The following STAB1 variants were observed in gnomAD, a reference collection of about 807,000 sequenced individuals.
STAB1 encodes the protein stabilin 1.
In STAB1, 250 loss-of-function variants were observed where a neutral mutation model predicts 332.4. The observed-to-expected ratio is 0.75, with a 90% CI of 0.68 to 0.84. The LOEUF (loss-of-function observed/expected upper bound fraction) is 0.84. Among genes scored for constraint, STAB1 ranks in the 40% least tolerant of loss-of-function variants. The pLI is 0.00. For synonymous variants in STAB1, 1,475 were observed against 1,390.4 expected, an observed-to-expected ratio of 1.06 and a Z score of -1.35; for missense variants, 3,249 against 3,489.7, an observed-to-expected ratio of 0.93 and a Z score of 1.74.
rs760353127 is a variant in STAB1 at position 52,519,271 on chromosome 3, T to C, written c.5042T>C (p.Ile1681Thr). The C allele has an allele frequency of 6.2e-7, 1 of 1,612,616 alleles. No individual in the cohort carries two copies. The change falls in exon 49 of 69, where the codon ATA becomes ACA. Residue 1681 changes from isoleucine to threonine, a missense_variant. Ile to Thr is a moderately conservative substitution (Grantham distance 89). Coordinates refer to ENST00000321725, the MANE Select transcript of STAB1 (RefSeq NM_015136.3). ...CCCGTGCCCCGCCCCCAGGGCAGCATATACCTCAATGACTTCGCGCGCGTG... is the reference window on the plus strand; with the variant it reads ...CCCGTGCCCCGCCCCCAGGGCAGCACATACCTCAATGACTTCGCGCGCGTG... ...PLRFSEREGSIYLNDFARVVS... is the reference protein window; with the variant it reads ...PLRFSEREGSTYLNDFARVVS...
chr3:52,516,851 C>G (rs906228777), intron 41 of STAB1, 83 bp downstream of exon 41: 1 of 1,596,614 alleles, frequency 6.3e-7, no homozygotes, highest in Non-Finnish European at 8.5e-7. Flanking sequence ...TCCTCTAGGC[C>G]CAGCCCCCCT....
At chr3:52,507,737 G>C in intron 19 of STAB1, 62 bp downstream of exon 19, 1 of 1,595,812 alleles carries the variant, frequency 6.3e-7, no homozygotes, top group Non-Finnish European at 8.6e-7. Flanking sequence ...TTCTGCCCTG[G>C]GTCACAGGGG....
rs763805879 is a variant in STAB1 at position 52,523,595 on chromosome 3, C to T, written c.7290+19C>T. 3.4e-5 allele frequency: 55 copies of T among 1,612,534 alleles called. No homozygotes were observed. Among genetic ancestry groups the T allele is most frequent in the Non-Finnish European group, 4.4e-5 (52 of 1,180,016 alleles). ...CCCTGTGGTGAGTCTGGCCACTGTCCCACCCTGTTGGCCCTGGCCCTCGCT... is the reference window on the plus strand; with the variant it reads ...CCCTGTGGTGAGTCTGGCCACTGTCTCACCCTGTTGGCCCTGGCCCTCGCT... On this transcript the variant is annotated intron_variant, in intron 65 of 68. Coordinates refer to ENST00000321725, the MANE Select transcript of STAB1 (RefSeq NM_015136.3).
intron 35 of STAB1, 26 bp from the exon 36 acceptor site, chr3:52,514,963 T>C (rs1255650235): frequency 6.2e-7 from 1 of 1,613,226 alleles, no homozygotes; most frequent in Non-Finnish European, 8.5e-7. Context: ...CTGGACTGCC[T>C]GATGCCCCAC....
chr3:52,518,728 G>C lies in STAB1; in HGVS notation c.4893G>C (p.Glu1631Asp). The C allele has an allele frequency of 1.2e-6, 2 of 1,612,516 alleles. No individual in the cohort carries two copies. Among genetic ancestry groups the C allele is most frequent in the Non-Finnish European group, 1.7e-6 (2 of 1,179,758 alleles). Residue 1631 changes from glutamate to aspartate, a missense_variant, in exon 48 of 69, where the codon GAG becomes GAC. Transcript: ENST00000321725. ...ADLMSNLSQD[E>D]LARIRAHRQL... ...CCCTCGCGACTCTGCTCCAGGATGA[G>C]CTGGCCCGGATTCGTGCGCATCGCC...
rs140011089 is a variant in STAB1 at position 52,514,632 on chromosome 3, G to A, written c.3679-69G>A. The A allele has an allele frequency of 1.4e-3, 2,270 of 1,607,336 alleles. 1 individual carries two copies. The highest frequency in any genetic ancestry group is 1.9e-3 in the South Asian group (172 of 90,462). ...GGGAGCCCCCCGGCCCTGGAGTACT[G>A]CCTGACCTTACAGCCCTGCCAGGTG... is the stretch of plus-strand genomic sequence containing the variant. On this transcript the variant is annotated intron_variant, in intron 34 of 68. Transcript: ENST00000321725.
At chr3:52,503,180 C>T (rs1708579665) in intron 7 of STAB1, 71 bp downstream of exon 7, 1 of 1,512,178 alleles carries the variant, frequency 6.6e-7, no homozygotes, top group Admixed American at 2.0e-5. Flanking sequence ...TCCTTTAACC[C>T]AGCAAGTGCA....
rs572263900 is a variant in STAB1 at position 52,498,013 on chromosome 3, C to A, written c.78+2522C>A. ...AGTGGAGCCTGTGGCGGGAGAGGAG[C>A]ACGGTCCAGAACCCAGCCCTGCACC... On this transcript the variant is annotated intron_variant, in intron 1 of 68. Transcript: ENST00000321725. Among the ~76,000 whole-genome samples, 9 of 152,232 alleles carry A rather than the reference C, an allele frequency of 5.9e-5. No homozygotes were observed. The East Asian group carries it at 1.7e-3, about 29-fold the overall frequency.
chr3:52,499,898 C>CAAAAA lies in STAB1; in HGVS notation c.79-1247_79-1243dup, dbSNP rs4045133. Among the ~76,000 whole-genome samples, 12 of 37,054 alleles carry CAAAAA rather than the reference C, an allele frequency of 3.2e-4. 1 individual carries two copies. The highest frequency in any genetic ancestry group is 6.2e-4 in the African/African-American group (5 of 8,130). The allele number at this position is 37,054 out of a possible 152,430, so 24.3% of individuals were successfully genotyped here. ...TGGGCGACAGAGCGAGACTCCATCT[C>CAAAAA]AAAAAAAAAAAAAAAAAAAAAAAAA... On this transcript the variant is annotated intron_variant, in intron 1 of 68. Coordinates refer to ENST00000321725, the MANE Select transcript of STAB1 (RefSeq NM_015136.3).
Position 52,509,257 on chromosome 3 carries a change from C to CT in STAB1, c.2284dup (p.Tyr762LeufsTer78), listed in dbSNP as rs1324169517. The CT allele has an allele frequency of 6.2e-7, 1 of 1,613,564 alleles. No individual in the cohort carries two copies. The highest frequency in any genetic ancestry group is 1.3e-5 in the African/African-American group (1 of 75,058). The stretch of plus-strand genomic sequence containing the variant: ...ATGGGGCCTGCCTCTGCTTCCCAGA[C>CT]TACAAGGGCATCGCCTGCCACATCT... On this transcript the variant is annotated frameshift_variant, in exon 22 of 69. Coordinates refer to ENST00000321725, the MANE Select transcript of STAB1 (RefSeq NM_015136.3). LOFTEE classifies it high-confidence loss of function.
In STAB1 at chr3:52,520,397, C is replaced by T. The variant is rs1172578006; in HGVS notation, c.5500-3C>T. The stretch of plus-strand genomic sequence containing the variant: ...TTGCATACCTCATATTCTCTCCTTG[C>T]AGGGTGAGCTCATGGTGGGTGAGGA... On this transcript the variant is annotated splice_region_variant and splice_polypyrimidine_tract_variant and intron_variant, in intron 52 of 68. Coordinates refer to ENST00000321725, the MANE Select transcript of STAB1 (RefSeq NM_015136.3). 6.2e-7 allele frequency: 1 copy of T among 1,611,846 alleles called. No homozygotes were observed. Among genetic ancestry groups the T allele is most frequent in the East Asian group, 2.2e-5 (1 of 44,844 alleles).
Position 52,519,535 on chromosome 3 carries a change from G to A in STAB1, c.5206G>A (p.Gly1736Ser), listed in dbSNP as rs143894786. The change falls in exon 50 of 69, where the codon GGT (glycine) becomes AGT (serine). Residue 1736 changes from glycine (G) to serine (S), a missense_variant. Physicochemically the swap from Gly to Ser is moderately conservative, Grantham distance 56 (BLOSUM62 0). Coordinates refer to ENST00000321725, the MANE Select transcript of STAB1 (RefSeq NM_015136.3). ...RNVTAAAQGF[G>S]YKIFSGLLKV... ...TGTCACCGCCGCCGCCCAGGGCTTCGGTTACAAGATCTTCAGCGGCCTCCT... is the reference window on the plus strand; with the variant it reads ...TGTCACCGCCGCCGCCCAGGGCTTCAGTTACAAGATCTTCAGCGGCCTCCT... The A allele has an allele frequency of 2.7e-4, 434 of 1,613,360 alleles. No homozygotes were observed. In the East Asian group the frequency reaches 7.3e-3, roughly 27 times the overall value.
At chr3:52,504,291 C>A in intron 10 of STAB1, 136 bp downstream of exon 10, 2 of 1,443,092 alleles carry the variant, frequency 1.4e-6, no homozygotes, top group Non-Finnish European at 1.9e-6. Context: ...GTGGGGGGTG[C>A]ATGCAGGGGG....
rs145209862 is a variant in STAB1, at chr3:52,505,748, G to A, written c.1662G>A (p.Leu554=). Reference sequence around the variant, plus strand: ...CAAGCAATGAGGCTGTGGACAGCTTGCGTGACGGCCGCCTGATCTACCTCT... The same window carrying A: ...CAAGCAATGAGGCTGTGGACAGCTTACGTGACGGCCGCCTGATCTACCTCT... The part of the protein sequence containing the change: ...FAPSNEAVDS[L]RDGRLIYLFT... Residue 554 remains leucine, a synonymous_variant, in exon 15 of 69, where the codon TTG becomes TTA. Transcript: ENST00000321725. 8.1e-6 allele frequency: 13 copies of A among 1,613,904 alleles called. No individual in the cohort carries two copies. The African/African-American group carries it at 1.5e-4, about 18-fold the overall frequency.
chr3:52,501,870 C>A, intron 3 of STAB1, 117 bp downstream of exon 3: 1 of 1,368,756 alleles, frequency 7.3e-7, no homozygotes, highest in Non-Finnish European at 1.0e-6. Flanking sequence ...TAATACTCAC[C>A]GAGCGCCTCC....
In STAB1 at chr3:52,515,416, T is replaced by C. The variant is rs1164423998; in HGVS notation, c.3865-7T>C. The C allele has an allele frequency of 1.9e-6, 3 of 1,612,708 alleles. No homozygotes were observed. Among genetic ancestry groups the C allele is most frequent in the Non-Finnish European group, 2.5e-6 (3 of 1,179,966 alleles). ...GGCTGACCCCTCCTGCCTGTCCCCG[T>C]TTCCAGGACACACCCAGGAAGAGCT... On this transcript the variant is annotated splice_region_variant and splice_polypyrimidine_tract_variant and intron_variant, in intron 36 of 68. Transcript: ENST00000321725.
At chr3:52,510,698 A>G (rs1709236258) in intron 25 of STAB1, among the ~76,000 whole-genome samples, 191 bp downstream of exon 25, 1 of 152,194 alleles carries the variant, frequency 6.6e-6, no homozygotes, top group Admixed American at 6.5e-5. Context: ...TTGCTTTCCC[A>G]GGTGTTTTCA....
At position 52,523,942 on chromosome 3, in the gene STAB1, G is replaced by C. The variant is rs1246654139; in HGVS notation, c.7467G>C (p.Leu2489=). 6.2e-7 allele frequency: 1 copy of C among 1,610,698 alleles called. No individual in the cohort carries two copies. Among genetic ancestry groups the C allele is most frequent in the South Asian group, 1.1e-5 (1 of 91,010 alleles). Residue 2489 remains leucine (L), a synonymous_variant, in exon 67 of 69, where the codon CTG becomes CTC. Transcript: ENST00000321725. The part of the protein sequence containing the change: ...GVGAVLAAGA[L]LGLVAGALYL... ...GGGCTGTGCTTGCCGCTGGAGCACT[G>C]CTTGGCTTGGTGGCCGGAGCTCTCT...
intron 1 of STAB1, among the ~76,000 whole-genome samples, chr3:52,499,567 G>A (rs1345637470): frequency 4.6e-5 from 7 of 152,162 alleles, no homozygotes; most frequent in Admixed American, 1.3e-4. Context: ...CTGCCCCTGC[G>A]ACTGTATTCT....
Sources: gnomAD v4.1 joint callset for allele counts (sites outside exome capture counted in the v4.1 genomes callset) on GRCh38, gnomAD v4.1.1 for gene constraint, MANE v1.5 for transcripts, NCBI Gene and HGNC (gene_info 2026-07-23, HGNC 2026-07-21) for gene names.